Variants in SPEF2 observed in about 807,000 individuals in gnomAD.
SPEF2 encodes the protein sperm flagella and cilia-associated protein 2.
SPEF2 carries 187 observed loss-of-function variants against 224.6 expected under a neutral mutation model. The ratio of observed to expected loss-of-function variants is 0.83; its 90% CI spans 0.74 to 0.94. The LOEUF is 0.94. SPEF2 is among the 40% of genes least tolerant of loss of function. SPEF2 has a pLI of 0.00. For synonymous variants in SPEF2, 715 were observed against 707.3 expected, an observed-to-expected ratio of 1.01 and a Z score of -0.17; for missense variants, 2,170 against 2,135.6, an observed-to-expected ratio of 1.02 and a Z score of -0.32.
At chr5:35,682,409 G>T (rs1366822880) in intron 10 of SPEF2, among the ~76,000 whole-genome samples, 1 of 151,498 alleles carries the variant, frequency 6.6e-6, no homozygotes, top group Middle Eastern at 3.4e-3. Context: ...CAGTGTAAGT[G>T]TTGTATCCCC....
chr5:35,730,731 T>C (rs1165841403), intron 21 of SPEF2, among the ~76,000 whole-genome samples: 2 of 152,112 alleles, frequency 1.3e-5, no homozygotes, highest in Non-Finnish European at 2.9e-5. Flanking sequence ...GGTGTAATAG[T>C]AAAGGAAGGA....
At chr5:35,720,827 A>G (rs1165973924) in intron 20 of SPEF2, among the ~76,000 whole-genome samples, 2 of 152,180 alleles carry the variant, frequency 1.3e-5, no homozygotes. Context: ...TGGACACTTC[A>G]GGGGCCCTCT....
At chr5:35,699,961 T>G (rs898608704) in intron 15 of SPEF2, 2 of 153,590 alleles carry the variant, frequency 1.3e-5, no homozygotes, top group Middle Eastern at 3.4e-3. Context: ...GGGAGGGACC[T>G]GGTGGGAGAT....
intron 30 of SPEF2, among the ~76,000 whole-genome samples, chr5:35,783,441 A>G (rs1022174263): frequency 6.6e-6 from 1 of 152,216 alleles, no homozygotes; most frequent in African/African-American, 2.4e-5. Context: ...TAATATATGT[A>G]AAGTGCTTAG....
At chr5:35,764,809 C>T in intron 26 of SPEF2, 1 of 438,118 alleles carries the variant, frequency 2.3e-6, no homozygotes, top group Non-Finnish European at 4.5e-6. Context: ...TTCTTCCTCC[C>T]TCTCTTTCTT....
At chr5:35,648,190 T>G (rs1033850844) in intron 5 of SPEF2, among the ~76,000 whole-genome samples, 1 of 152,178 alleles carries the variant, frequency 6.6e-6, no homozygotes, top group Non-Finnish European at 1.5e-5. Flanking sequence ...AAGCAGAGAT[T>G]GACAGATCTC....
chr5:35,742,618 A>G (rs1190120982), intron 23 of SPEF2, among the ~76,000 whole-genome samples: 1 of 151,968 alleles, frequency 6.6e-6, no homozygotes, highest in South Asian at 2.1e-4. Flanking sequence ...TCAATTTACA[A>G]TGGAAGTTGA....
rs1412755368 is a variant in SPEF2 at position 35,659,202 on chromosome 5, G to A, written c.1162G>A (p.Glu388Lys). ...LKDFQDALDR[E>K]AALAKQAKID... is the part of the protein sequence containing the mutation. ...AGATTTCCAGGATGCTCTTGATCGA[G>A]AAGCGGTAAATACCATCTTCCTTAG... is the stretch of plus-strand genomic sequence containing the variant. The change falls in exon 8 of 37, where the codon GAA becomes AAA. Residue 388 changes from glutamate (E) to lysine (K), a missense_variant. By Grantham distance (56) the Glu-to-Lys change is moderately conservative (BLOSUM62 1). Coordinates refer to ENST00000356031, the MANE Select transcript of SPEF2 (RefSeq NM_024867.4). The A allele has an allele frequency of 1.2e-6, 2 of 1,606,048 alleles. No homozygotes were observed. The highest frequency in any genetic ancestry group is 1.7e-6 in the Non-Finnish European group (2 of 1,175,244).
intron 20 of SPEF2, among the ~76,000 whole-genome samples, chr5:35,723,951 G>A (rs7710255): frequency 0.57 from 86,873 of 151,960 alleles, 26,234 homozygotes; most frequent in Middle Eastern, 0.71. Context: ...TTCTGGTAGC[G>A]AAATTCAACC....
At chr5:35,737,741 G>A (rs1746865830) in intron 21 of SPEF2, among the ~76,000 whole-genome samples, 1 of 152,160 alleles carries the variant, frequency 6.6e-6, no homozygotes, top group African/African-American at 2.4e-5. Context: ...TAATGGGATG[G>A]CTGGGTCAAA....
intron 8 of SPEF2, among the ~76,000 whole-genome samples, chr5:35,661,388 A>AAT (rs968673219): frequency 2.0e-4 from 29 of 145,170 alleles, no homozygotes; most frequent in East Asian, 1.0e-3. Context: ...TACCAAGATA[A>AAT]ATATATATAT....
At chr5:35,809,771 C>CT (rs1758421422) in intron 36 of SPEF2, among the ~76,000 whole-genome samples, 1 of 152,076 alleles carries the variant, frequency 6.6e-6, no homozygotes, top group Non-Finnish European at 1.5e-5. Context: ...CTAAGCATTC[C>CT]TTGGGGATAT....
At chr5:35,631,264 A>G (rs1401214792) in intron 2 of SPEF2, among the ~76,000 whole-genome samples, 1 of 152,182 alleles carries the variant, frequency 6.6e-6, no homozygotes, top group Non-Finnish European at 1.5e-5. Context: ...ACAGCATGGG[A>G]AAGACCTGCC....
chr5:35,675,372 A>G (rs1751807637), intron 10 of SPEF2, among the ~76,000 whole-genome samples: 1 of 152,138 alleles, frequency 6.6e-6, no homozygotes, highest in African/African-American at 2.4e-5. Context: ...TTCTCATATC[A>G]TTCTAGTTTA....
At chr5:35,639,355 A>G (rs548731452) in intron 2 of SPEF2, among the ~76,000 whole-genome samples, 1 of 152,314 alleles carries the variant, frequency 6.6e-6, no homozygotes, top group South Asian at 2.1e-4. Context: ...GGTCTTTTAA[A>G]TAAGACAAGG....
intron 16 of SPEF2, 110 bp downstream of exon 16, chr5:35,700,862 C>A: frequency 1.7e-6 from 2 of 1,197,932 alleles, no homozygotes; most frequent in East Asian, 2.5e-5. Flanking sequence ...TAATCCACTT[C>A]AGCCTATCAA....
intron 26 of SPEF2, among the ~76,000 whole-genome samples, chr5:35,770,030 C>T (rs9292609): frequency 0.23 from 32,043 of 142,200 alleles, 4,406 homozygotes; most frequent in East Asian, 0.55. Context: ...TGTGCATGTG[C>T]GTGTGTGTGT....
chr5:35,623,518 TG>T (rs1213718831), intron 1 of SPEF2, among the ~76,000 whole-genome samples: 51 of 152,330 alleles, frequency 3.3e-4, no homozygotes, highest in African/African-American at 1.1e-3. Context: ...ATTATTCATT[TG>T]GCAGCAAAAT....
rs551354167 is a variant in SPEF2, at chr5:35,695,811, C to A, written c.2037+15C>A. On this transcript the variant is annotated intron_variant, in intron 14 of 36. Coordinates refer to ENST00000356031, the MANE Select transcript of SPEF2 (RefSeq NM_024867.4). ...GTTTCTTAAAAGTAAGTATTATGAT[C>A]TAATTTTAGCTACTAACATATTAAA... 16 of 1,564,846 alleles carry A rather than the reference C, an allele frequency of 1.0e-5. No individual in the cohort carries two copies. The highest frequency in any genetic ancestry group is 1.3e-5 in the Non-Finnish European group (15 of 1,143,862).
Sources: allele counts gnomAD v4.1 joint callset (sites outside exome capture counted in the v4.1 genomes callset), GRCh38; gene constraint gnomAD v4.1.1; transcripts MANE v1.5; gene names NCBI Gene and HGNC (gene_info 2026-07-23, HGNC 2026-07-21).